The following PCDH11X variants were observed in gnomAD, a reference collection of about 807,000 sequenced individuals.
The protein encoded by PCDH11X is protocadherin-11 X-linked.
Under a neutral mutation model 53.3 loss-of-function variants are expected in PCDH11X, and 18 were observed. The ratio of observed to expected loss-of-function variants is 0.34; its 90% CI spans 0.23 to 0.50. The LOEUF is 0.50. PCDH11X is among the 20% of genes least tolerant of loss of function. The pLI, the probability that PCDH11X is intolerant of heterozygous loss-of-function variation, is 0.98. For synonymous variants in PCDH11X, 279 were observed against 393.3 expected (o/e 0.71, Z 3.44); for missense variants, 570 against 1,032.4 (o/e 0.55, Z 6.14).
chrX:91,940,283 A>G (rs1357336286), intron 6 of PCDH11X, among the ~76,000 whole-genome samples: 2 of 111,487 alleles, frequency 1.8e-5, no homozygotes, highest in Non-Finnish European at 3.8e-5. Context: ...TAAGCCAATT[A>G]AAGATCTTCT....
rs6618863 is a variant in PCDH11X, at chrX:92,111,973, G to T, written c.3034-89402G>T. 2.8e-5 allele frequency among the ~76,000 whole-genome samples: 3 copies of T among 108,694 alleles called. No individual in the cohort carries two copies. In the South Asian group the frequency reaches 1.2e-3, roughly 44 times the overall value. 94.4% of individuals were successfully genotyped at this position (108,694 alleles called of 115,157 possible). ...GGGGTTTCACCTTGTTAGCCAGGATGGTCTCGATTCCCTGACCTCGTGATC... is the reference window on the plus strand; with the variant it reads ...GGGGTTTCACCTTGTTAGCCAGGATTGTCTCGATTCCCTGACCTCGTGATC... On this transcript the variant is annotated intron_variant, in intron 6 of 10. Coordinates refer to ENST00000682573, the MANE Select transcript of PCDH11X (RefSeq NM_032968.5).
intron 6 of PCDH11X, among the ~76,000 whole-genome samples, chrX:91,925,151 G>A (rs1338035864): frequency 7.2e-5 from 8 of 110,916 alleles, no homozygotes; most frequent in Admixed American, 4.8e-4. Context: ...ATAAAAAATG[G>A]ACTTAATACA....
At chrX:92,495,470 T>C (rs924517873) in intron 10 of PCDH11X, among the ~76,000 whole-genome samples, 3 of 109,642 alleles carry the variant, frequency 2.7e-5, no homozygotes, top group Non-Finnish European at 3.8e-5. Flanking sequence ...GACATCACTA[T>C]ACCCTATATG....
Position 92,432,273 on chromosome X carries a change from A to G in PCDH11X, c.3344-36026A>G, listed in dbSNP as rs186780520. Among the ~76,000 whole-genome samples, 420 of 110,959 alleles carry G rather than the reference A, an allele frequency of 3.8e-3. 3 individuals carry two copies. Among genetic ancestry groups the G allele is most frequent in the African/African-American group, 0.013 (400 of 30,759 alleles). On this transcript the variant is annotated intron_variant, in intron 9 of 10. Coordinates refer to ENST00000682573, the MANE Select transcript of PCDH11X (RefSeq NM_032968.5). ...TTTCTACAACCATCTGTATATTTATATTGGTAGCTTTCAACAGAAATACCA... is the reference window on the plus strand; with the variant it reads ...TTTCTACAACCATCTGTATATTTATGTTGGTAGCTTTCAACAGAAATACCA...
intron 6 of PCDH11X, chrX:92,113,893 C>T (rs765811672): frequency 3.1e-5 from 37 of 1,199,550 alleles, no homozygotes; most frequent in Middle Eastern, 5.4e-4. Flanking sequence ...CTTGAATCCA[C>T]GGCTTAACAT....
intron 7 of PCDH11X, among the ~76,000 whole-genome samples, chrX:92,262,685 C>T (rs1361497131): frequency 9.0e-6 from 1 of 111,010 alleles, no homozygotes; most frequent in Admixed American, 9.6e-5. Flanking sequence ...TTTCAATGAG[C>T]CTAGTTTTTC....
chrX:92,105,857 C>G (rs1012585214), intron 6 of PCDH11X, among the ~76,000 whole-genome samples: 1 of 111,450 alleles, frequency 9.0e-6, no homozygotes, highest in Non-Finnish European at 1.9e-5. Flanking sequence ...TCAGGCCATC[C>G]GGGCATATAG....
chrX:91,824,394 A>G (rs1340409701), intron 4 of PCDH11X, among the ~76,000 whole-genome samples: 5 of 109,522 alleles, frequency 4.6e-5, no homozygotes, highest in Admixed American at 2.0e-4. Flanking sequence ...TTTTTTCTCT[A>G]AACTTCCCTT....
At chrX:92,172,010 T>C (rs1195790598) in intron 6 of PCDH11X, among the ~76,000 whole-genome samples, 3 of 107,318 alleles carry the variant, frequency 2.8e-5, no homozygotes, top group African/African-American at 1.0e-4. Context: ...TAAATTTTAT[T>C]TTTGGATTAT....
Position 91,988,127 on chromosome X carries a change from C to T in PCDH11X, c.3033+108854C>T, listed in dbSNP as rs188839064. Reference sequence around the variant, plus strand: ...TCTTTTGATGAGCAATACTATAATACATAGCACTATTATTATAATATTAGA... The same window carrying T: ...TCTTTTGATGAGCAATACTATAATATATAGCACTATTATTATAATATTAGA... On this transcript the variant is annotated intron_variant, in intron 6 of 10. Transcript: ENST00000682573. Among the ~76,000 whole-genome samples, 254 of 111,259 alleles carry T rather than the reference C, an allele frequency of 2.3e-3. 1 individual carries two copies. Among genetic ancestry groups the T allele is most frequent in the African/African-American group, 8.1e-3 (247 of 30,665 alleles).
intron 6 of PCDH11X, among the ~76,000 whole-genome samples, chrX:91,884,241 G>GTT (rs1372716513): frequency 9.9e-6 from 1 of 101,040 alleles, no homozygotes; most frequent in Non-Finnish European, 2.0e-5. Flanking sequence ...TTGTAATAAT[G>GTT]TTTTCTTTTT....
At chrX:92,579,249 C>A (rs1197257748) in intron 10 of PCDH11X, among the ~76,000 whole-genome samples, 1 of 109,017 alleles carries the variant, frequency 9.2e-6, no homozygotes. Flanking sequence ...CATGGAGTAT[C>A]TTACTGGGGT....
chrX:92,302,199 C>T (rs1420350295), intron 8 of PCDH11X, among the ~76,000 whole-genome samples: 1 of 111,061 alleles, frequency 9.0e-6, no homozygotes, highest in African/African-American at 3.3e-5. Flanking sequence ...GAAATTCTGA[C>T]CTTATGATCC....
At chrX:92,197,563 T>C (rs1376768602) in intron 6 of PCDH11X, among the ~76,000 whole-genome samples, 1 of 111,888 alleles carries the variant, frequency 8.9e-6, no homozygotes, top group Non-Finnish European at 1.9e-5. Context: ...AAAGTTTTTA[T>C]AAATGTAATC....
chrX:92,255,203 G>A (rs1458823630), intron 7 of PCDH11X, among the ~76,000 whole-genome samples: 33 of 108,047 alleles, frequency 3.1e-4, no homozygotes, highest in South Asian at 8.4e-4. Flanking sequence ...ATCTTCCATC[G>A]CTGATATCCT....
chrX:91,870,865 T>C (rs1939256716), intron 5 of PCDH11X, among the ~76,000 whole-genome samples: 1 of 110,812 alleles, frequency 9.0e-6, no homozygotes, highest in South Asian at 3.8e-4. Context: ...AGATGGTGTT[T>C]TCTTACACAT....
intron 10 of PCDH11X, among the ~76,000 whole-genome samples, chrX:92,608,288 G>T (rs1293642061): frequency 1.0e-5 from 1 of 99,421 alleles, no homozygotes. Context: ...ACTAGTGGTT[G>T]CAACCCAAAG....
chrX:92,082,721 C>A (rs1250119515), intron 6 of PCDH11X, among the ~76,000 whole-genome samples: 1 of 110,875 alleles, frequency 9.0e-6, no homozygotes, highest in Non-Finnish European at 1.9e-5. Flanking sequence ...TAGCAAATTT[C>A]GTTAAGTTTG....
chrX:91,991,821 T>C (rs2062331047), intron 6 of PCDH11X, among the ~76,000 whole-genome samples: 1 of 106,530 alleles, frequency 9.4e-6, no homozygotes, highest in African/African-American at 3.4e-5. Context: ...TTTTAATTTC[T>C]TTTTTTTTTG....
Sources: allele counts gnomAD v4.1 joint callset (sites outside exome capture counted in the v4.1 genomes callset), GRCh38; gene constraint gnomAD v4.1.1; transcripts MANE v1.5; gene names NCBI Gene and HGNC (gene_info 2026-07-23, HGNC 2026-07-21).